The following PDGFD variants were observed in gnomAD, a reference collection of about 807,000 sequenced individuals.
PDGFD encodes the protein platelet-derived growth factor D.
Under a neutral mutation model 44.7 loss-of-function variants are expected in PDGFD, and 30 were observed. That is an observed-to-expected ratio of 0.67 (90% CI 0.50 to 0.91). The LOEUF is 0.91. PDGFD is among the 40% of genes least tolerant of loss of function. The pLI is 0.00. For synonymous variants in PDGFD, 173 were observed against 168.4 expected (o/e 1.03, Z -0.21); for missense variants, 445 against 457.8 (o/e 0.97, Z 0.25).
chr11:104,156,167 TTTTA>T (rs1252760970), intron 1 of PDGFD, among the ~76,000 whole-genome samples: 3 of 152,150 alleles, frequency 2.0e-5, no homozygotes, highest in East Asian at 1.9e-4. Flanking sequence ...TATATACAAT[TTTTA>T]TTTGTCAATT....
chr11:104,135,844 T>C (rs1861995893), intron 1 of PDGFD, among the ~76,000 whole-genome samples: 2 of 152,074 alleles, frequency 1.3e-5, no homozygotes, highest in Admixed American at 6.6e-5. Context: ...GGGGACTGAA[T>C]GTAAGGGTCT....
chr11:104,101,100 A>C (rs995569129), intron 1 of PDGFD, among the ~76,000 whole-genome samples: 1 of 152,166 alleles, frequency 6.6e-6, no homozygotes, highest in African/African-American at 2.4e-5. Context: ...AGTTCTGGCC[A>C]GGGCAATCCG....
intron 6 of PDGFD, among the ~76,000 whole-genome samples, chr11:103,924,243 T>C (rs1453517800): frequency 6.6e-6 from 1 of 152,262 alleles, no homozygotes; most frequent in Non-Finnish European, 1.5e-5. Context: ...AGTCCTGACC[T>C]TGAATGTTCT....
chr11:103,965,967 G>A (rs1859013704), intron 3 of PDGFD, among the ~76,000 whole-genome samples: 1 of 152,140 alleles, frequency 6.6e-6, no homozygotes, highest in African/African-American at 2.4e-5. Flanking sequence ...GCAAGTTGAC[G>A]GCACTGGGGG....
At chr11:104,061,605 T>C (rs1202204329) in intron 1 of PDGFD, among the ~76,000 whole-genome samples, 1 of 152,112 alleles carries the variant, frequency 6.6e-6, no homozygotes, top group African/African-American at 2.4e-5. Flanking sequence ...TTTCTTTCTG[T>C]TTTTTGTTTG....
chr11:104,027,595 C>T (rs1379205432), intron 1 of PDGFD, among the ~76,000 whole-genome samples: 1 of 152,134 alleles, frequency 6.6e-6, no homozygotes, highest in African/African-American at 2.4e-5. Context: ...GTGACAAATC[C>T]AGGGCACTTA....
At chr11:104,004,872 C>CTTTTTTTTT (rs33979812) in intron 1 of PDGFD, among the ~76,000 whole-genome samples, 28 of 71,894 alleles carry the variant, frequency 3.9e-4, no homozygotes, top group Admixed American at 7.1e-4. Context: ...TTATTACCAC[C>CTTTTTTTTT]TTTTTTTTTT....
intron 1 of PDGFD, among the ~76,000 whole-genome samples, chr11:104,110,208 G>A (rs1426569790): frequency 1.3e-5 from 2 of 152,054 alleles, no homozygotes; most frequent in Admixed American, 1.3e-4. Context: ...GAAAGCTGGG[G>A]AAGTTGATTC....
At chr11:104,157,805 C>T (rs1358689931) in intron 1 of PDGFD, among the ~76,000 whole-genome samples, 1 of 152,150 alleles carries the variant, frequency 6.6e-6, no homozygotes, top group African/African-American at 2.4e-5. Context: ...TAAGTGTTAT[C>T]ATCACAAAAA....
chr11:104,072,852 G>A (rs1484142221), intron 1 of PDGFD, among the ~76,000 whole-genome samples: 1 of 151,934 alleles, frequency 6.6e-6, no homozygotes, highest in African/African-American at 2.4e-5. Flanking sequence ...AGAAATGTGT[G>A]GGTTTAGATG....
intron 1 of PDGFD, among the ~76,000 whole-genome samples, chr11:104,075,603 C>T (rs565410723): frequency 7.0e-6 from 1 of 142,092 alleles, no homozygotes; most frequent in South Asian, 2.3e-4. Flanking sequence ...AAGCAATCCT[C>T]CTACCTCAAC....
chr11:104,028,627 T>C (rs1193120797), intron 1 of PDGFD, among the ~76,000 whole-genome samples: 4 of 150,590 alleles, frequency 2.7e-5, no homozygotes, highest in African/African-American at 9.8e-5. Context: ...ATTTACAAGT[T>C]ATCCTTGGAA....
intron 3 of PDGFD, among the ~76,000 whole-genome samples, chr11:103,962,517 A>C (rs1858953560): frequency 6.6e-6 from 1 of 152,174 alleles, no homozygotes; most frequent in African/African-American, 2.4e-5. Context: ...AAATAAAAGC[A>C]AACTCCATGC....
At chr11:104,137,728 CTTTTTTT>C (rs5794295) in intron 1 of PDGFD, among the ~76,000 whole-genome samples, 3 of 76,618 alleles carry the variant, frequency 3.9e-5, no homozygotes, top group Admixed American at 1.7e-4. Context: ...TAGATCACCA[CTTTTTTT>C]TTTTTTTTTT....
At chr11:103,916,144 A>G (rs1452316827) in intron 6 of PDGFD, among the ~76,000 whole-genome samples, 1 of 152,206 alleles carries the variant, frequency 6.6e-6, no homozygotes, top group Non-Finnish European at 1.5e-5. Context: ...CTGTCATCAG[A>G]GTGAACAAGC....
At chr11:104,119,915 A>C (rs1479640473) in intron 1 of PDGFD, among the ~76,000 whole-genome samples, 1 of 134,558 alleles carries the variant, frequency 7.4e-6, no homozygotes, top group Non-Finnish European at 1.5e-5. Context: ...ATAAGCAATT[A>C]TTATATATTA....
intron 1 of PDGFD, among the ~76,000 whole-genome samples, chr11:104,063,583 G>A (rs2134415734): frequency 6.6e-6 from 1 of 152,226 alleles, no homozygotes; most frequent in East Asian, 1.9e-4. Flanking sequence ...ACCGGAAACT[G>A]GGTAATTTAT....
chr11:103,911,780 C>A (rs1365557170), intron 6 of PDGFD, among the ~76,000 whole-genome samples: 1 of 151,846 alleles, frequency 6.6e-6, no homozygotes, highest in Non-Finnish European at 1.5e-5. Context: ...TAGAGAAGAA[C>A]ATAAATGACC....
intron 1 of PDGFD, chr11:104,037,685 G>A: frequency 6.2e-7 from 1 of 1,614,116 alleles, no homozygotes; most frequent in Non-Finnish European, 8.5e-7. Context: ...CGGTGGGCTG[G>A]GGTTGCTAAA....
Sources: gnomAD v4.1 joint callset for allele counts (sites outside exome capture counted in the v4.1 genomes callset) on GRCh38, gnomAD v4.1.1 for gene constraint, MANE v1.5 for transcripts, NCBI Gene and HGNC (gene_info 2026-07-23, HGNC 2026-07-21) for gene names.